Variants in KBTBD2 observed in about 807,000 individuals in gnomAD.
KBTBD2 encodes the protein kelch repeat and BTB domain containing 2, also known as kelch repeat and BTB domain-containing protein 2.
A neutral mutation model predicts 57.1 loss-of-function variants in KBTBD2; 17 were observed. The observed-to-expected ratio is 0.30, with a 90% CI of 0.20 to 0.45. The LOEUF (loss-of-function observed/expected upper bound fraction) is 0.45, where lower values mean the gene tolerates loss of function less well. Ranked by LOEUF, KBTBD2 falls within the 20% of genes least tolerant of loss-of-function variation. The pLI, the probability that KBTBD2 is intolerant of heterozygous loss-of-function variation, is 1.00. For missense variants in KBTBD2, 515 were observed against 750.6 expected, an observed-to-expected ratio of 0.69 and a Z score of 3.67; for synonymous variants, 267 against 262.7, an observed-to-expected ratio of 1.02 and a Z score of -0.16.
At chr7:32,885,095 T>C (rs1170702701) in intron 1 of KBTBD2, among the ~76,000 whole-genome samples, 2 of 150,830 alleles carry the variant, frequency 1.3e-5, no homozygotes, top group Non-Finnish European at 2.9e-5. Flanking sequence ...AGGCTGGTCT[T>C]GAACTCCTAC....
In KBTBD2 at chr7:32,869,785, G is replaced by A. The variant is rs1442154983; in HGVS notation, c.1432C>T (p.His478Tyr). The A allele has an allele frequency of 3.7e-6, 6 of 1,613,852 alleles. No individual in the cohort carries two copies. The highest frequency in any genetic ancestry group is 5.1e-6 in the Non-Finnish European group (6 of 1,180,026). ...CTTATGCCGGAATTGGTAGCAATAT[G>A]CAACCCTCCAATATAGAAAATTTTA... ...GDKIFYIGGL[H>Y]IATNSGIRLP... is the part of the protein sequence containing the mutation. The change falls in exon 4 of 4, where the codon CAT (histidine) becomes TAT (tyrosine). Residue 478 changes from histidine (H) to tyrosine (Y), a missense_variant. Transcript: ENST00000304056.
chr7:32,885,074 CTA>C (rs1784544618), intron 1 of KBTBD2, among the ~76,000 whole-genome samples: 1 of 146,622 alleles, frequency 6.8e-6, no homozygotes, highest in African/African-American at 2.6e-5. Flanking sequence ...CAGGATTGTA[CTA>C]TGTTGCCCAG....
At chr7:32,885,438 GTTC>G (rs1784553604) in intron 1 of KBTBD2, among the ~76,000 whole-genome samples, 1 of 138,236 alleles carries the variant, frequency 7.2e-6, no homozygotes, top group Admixed American at 8.0e-5. Flanking sequence ...TCCGAAACAT[GTTC>G]TTATCTAGTG....
rs776318835 is a variant in KBTBD2, at chr7:32,870,831, T to C, written c.386A>G (p.Asn129Ser). ...CAACAATCGTACACAATTCTCTGCA[T>C]TTATTTTTTTAATTAAATATTCTCG... is the stretch of plus-strand genomic sequence containing the variant. The part of the protein sequence containing the change: ...RCREYLIKKI[N>S]AENCVRLLSF... The change falls in exon 4 of 4, where the codon AAT (asparagine) becomes AGT (serine). Residue 129 changes from asparagine (N) to serine (S), a missense_variant. Transcript: ENST00000304056. 1.3e-6 allele frequency: 2 copies of C among 1,599,084 alleles called. No homozygotes were observed. The highest frequency in any genetic ancestry group is 2.3e-5 in the South Asian group (2 of 88,116).
At chr7:32,890,874 C>T (rs1332282870) in intron 1 of KBTBD2, 1 of 152,214 alleles carries the variant, frequency 6.6e-6, no homozygotes, top group Non-Finnish European at 1.5e-5. Flanking sequence ...AACCGCCCCA[C>T]ACCAAACTAA....
intron 1 of KBTBD2, among the ~76,000 whole-genome samples, chr7:32,889,566 A>C (rs1784677182): frequency 6.6e-6 from 1 of 151,530 alleles, no homozygotes; most frequent in African/African-American, 2.4e-5. Flanking sequence ...GTGACACTGC[A>C]CACCAGCCTG....
In KBTBD2 at chr7:32,870,785, A is replaced by G. The variant is rs778870496; in HGVS notation, c.432T>C (p.Ser144=). The G allele has an allele frequency of 6.2e-7, 1 of 1,613,852 alleles. No homozygotes were observed. The highest frequency in any genetic ancestry group is 1.3e-5 in the African/African-American group (1 of 75,016). The change falls in exon 4 of 4, where the codon AGT becomes AGC. Residue 144 remains serine, a synonymous_variant. Transcript: ENST00000304056. ...VRLLSFADLF[S]CEELKQSAKR... is the part of the protein sequence containing the mutation. ...TAGCACTCTGTTTTAATTCCTCACA[A>G]CTGAAGAGATCAGCAAAACTCAACA...
At chr7:32,887,344 A>T (rs937455590) in intron 1 of KBTBD2, among the ~76,000 whole-genome samples, 2 of 152,208 alleles carry the variant, frequency 1.3e-5, no homozygotes, top group Admixed American at 6.5e-5. Flanking sequence ...GATCGCAGTT[A>T]ACAATAATAT....
At chr7:32,889,994 T>G (rs1307254819) in intron 1 of KBTBD2, among the ~76,000 whole-genome samples, 1 of 152,242 alleles carries the variant, frequency 6.6e-6, no homozygotes, top group Non-Finnish European at 1.5e-5. Context: ...GATACCTCTA[T>G]TCCTTCCCAT....
In KBTBD2 at chr7:32,891,623, G is replaced by A. The variant is rs1055078781; in HGVS notation, c.-426C>T. ...CCCTCCGGCGCGGCGGCGGGGGCGTGGCCCTCCCGCCGCGGCCTCGCCTGG... is the reference window on the plus strand; with the variant it reads ...CCCTCCGGCGCGGCGGCGGGGGCGTAGCCCTCCCGCCGCGGCCTCGCCTGG... On this transcript the variant is annotated 5_prime_UTR_variant, in exon 1 of 4. Coordinates refer to ENST00000304056, the MANE Select transcript of KBTBD2 (RefSeq NM_015483.3). The A allele has an allele frequency of 6.7e-6, 1 of 149,058 alleles. No homozygotes were observed. Among genetic ancestry groups the A allele is most frequent in the African/African-American group, 2.5e-5 (1 of 40,792 alleles). The allele number at this position is 149,058 out of a possible 1,614,324, so 9.2% of individuals were successfully genotyped here.
At chr7:32,878,140 G>A (rs899435197) in intron 2 of KBTBD2, among the ~76,000 whole-genome samples, 6 of 151,422 alleles carry the variant, frequency 4.0e-5, no homozygotes, top group Admixed American at 3.3e-4. Flanking sequence ...TGTAGGCATA[G>A]CAAAGGCAAC....
At chr7:32,887,058 T>C (rs767951746) in intron 1 of KBTBD2, among the ~76,000 whole-genome samples, 1 of 152,122 alleles carries the variant, frequency 6.6e-6, no homozygotes, top group Non-Finnish European at 1.5e-5. Context: ...TCCCACTGAG[T>C]AGCCTGGAAA....
At chr7:32,889,326 TC>T (rs1784669622) in intron 1 of KBTBD2, among the ~76,000 whole-genome samples, 1 of 146,240 alleles carries the variant, frequency 6.8e-6, no homozygotes, top group African/African-American at 2.5e-5. Flanking sequence ...AGATCGGCCG[TC>T]TGCGGTAGCT....
intron 1 of KBTBD2, among the ~76,000 whole-genome samples, chr7:32,882,216 A>G (rs1784460436): frequency 6.6e-6 from 1 of 152,158 alleles, no homozygotes; most frequent in Non-Finnish European, 1.5e-5. Context: ...ATGCATTAAT[A>G]AAGTAGAAGT....
intron 1 of KBTBD2, among the ~76,000 whole-genome samples, chr7:32,890,112 G>A (rs927930084): frequency 6.6e-6 from 1 of 152,178 alleles, no homozygotes; most frequent in Non-Finnish European, 1.5e-5. Context: ...CTACAAAACT[G>A]TGCAAAGAAA....
chr7:32,884,361 G>C (rs1239754956), intron 1 of KBTBD2, among the ~76,000 whole-genome samples: 1 of 126,272 alleles, frequency 7.9e-6, no homozygotes, highest in Non-Finnish European at 1.7e-5. Context: ...CTGGGCAACA[G>C]CAAGATTCTG....
chr7:32,887,219 A>G (rs1784601822), intron 1 of KBTBD2, among the ~76,000 whole-genome samples: 1 of 152,230 alleles, frequency 6.6e-6, no homozygotes, highest in South Asian at 2.1e-4. Context: ...GAAAGGATAA[A>G]AAGATGGGAA....
At chr7:32,888,077 TTC>T (rs770744999) in intron 1 of KBTBD2, among the ~76,000 whole-genome samples, 14 of 152,222 alleles carry the variant, frequency 9.2e-5, no homozygotes, top group Non-Finnish European at 1.8e-4. Flanking sequence ...CCAAATACAG[TTC>T]TCTTTTTTCA....
At position 32,885,027 on chromosome 7, in the gene KBTBD2, TACAC is replaced by T. The variant is rs1476582091; in HGVS notation, c.-338-5089_-338-5086del. ...GTATATATATATATATACACACACA[TACAC>T]ACACACAAATTTTAATTTTTTTTTT... On this transcript the variant is annotated intron_variant, in intron 1 of 3. Coordinates refer to ENST00000304056, the MANE Select transcript of KBTBD2 (RefSeq NM_015483.3). Among the ~76,000 whole-genome samples, 6 of 133,628 alleles carry T rather than the reference TACAC, an allele frequency of 4.5e-5. No individual in the cohort carries two copies. The East Asian group carries it at 8.4e-4, about 19-fold the overall frequency. The allele number at this position is 133,628 out of a possible 152,430, so 87.7% of individuals were successfully genotyped here. A position where few individuals can be genotyped will look rare whatever the true frequency, so the allele number is the denominator to read the frequency against.
Sources: gnomAD v4.1 joint callset for allele counts (sites outside exome capture counted in the v4.1 genomes callset) on GRCh38, gnomAD v4.1.1 for gene constraint, MANE v1.5 for transcripts, NCBI Gene and HGNC (gene_info 2026-07-23, HGNC 2026-07-21) for gene names.